Variants in FAM193A observed in about 807,000 individuals in gnomAD.
FAM193A encodes family with sequence similarity 193 member A.
FAM193A carries 22 observed loss-of-function variants against 126.5 expected under a neutral mutation model. That is an observed-to-expected ratio of 0.17 (90% CI 0.12 to 0.25). The LOEUF is 0.25. Among genes scored for constraint, FAM193A ranks in the 10% least tolerant of loss-of-function variants. FAM193A has a pLI of 1.00. For missense variants in FAM193A, 1,675 were observed against 1,672.8 expected (o/e 1.00, Z -0.02); for synonymous variants, 761 against 646.8 (o/e 1.18, Z -2.68).
At chr4:2,719,855 T>C (rs1719933106) in intron 20 of FAM193A, 1 of 140,892 alleles carries the variant, frequency 7.1e-6, no homozygotes. Context: ...CATGACACAA[T>C]CACTGTTCAC....
At chr4:2,588,172 C>T (rs767210436) in intron 1 of FAM193A, among the ~76,000 whole-genome samples, 7 of 151,936 alleles carry the variant, frequency 4.6e-5, no homozygotes, top group Non-Finnish European at 8.8e-5. Context: ...CACCCTGCTC[C>T]GCATTGACGG....
intron 6 of FAM193A, among the ~76,000 whole-genome samples, chr4:2,643,227 A>G (rs1196468187): frequency 6.6e-6 from 1 of 152,148 alleles, no homozygotes; most frequent in African/African-American, 2.4e-5. Flanking sequence ...AGACTAATTC[A>G]AGATAATTCA....
At chr4:2,550,785 T>C (rs1737873502) in intron 1 of FAM193A, among the ~76,000 whole-genome samples, 1 of 79,676 alleles carries the variant, frequency 1.3e-5, no homozygotes, top group African/African-American at 6.3e-5. Context: ...ATTTATTTAT[T>C]TATTTATTTA....
At chr4:2,650,949 A>C (rs1745604656) in intron 7 of FAM193A, among the ~76,000 whole-genome samples, 1 of 152,130 alleles carries the variant, frequency 6.6e-6, no homozygotes, top group Admixed American at 6.5e-5. Context: ...AGACGTGCAG[A>C]TGGAGAAGCT....
Position 2,700,460 on chromosome 4 carries a change from C to G in FAM193A, c.4288C>G (p.Leu1430Val), listed in dbSNP as rs780075865. 1 of 1,614,178 alleles carries G rather than the reference C, an allele frequency of 6.2e-7. No homozygotes were observed. The highest frequency in any genetic ancestry group is 1.3e-5 in the African/African-American group (1 of 75,062). ...CGGTGAGCATCAGCAGAACAGCAAG[C>G]TGGTGCTGGCAGAGTCCCCTCAGCC... ...SPGEHQQNSK[L>V]VLAESPQPKG... Residue 1430 changes from leucine (L) to valine (V), a missense_variant, in exon 19 of 21, where the codon CTG becomes GTG. Physicochemically the swap from Leu to Val is conservative, Grantham distance 32. Around this residue, in one of 4 missense-constraint regions of FAM193A, gnomAD observed 415 missense variants for 396.7 expected, o/e 1.05. Transcript: ENST00000637812.
intron 20 of FAM193A, among the ~76,000 whole-genome samples, chr4:2,726,283 A>G (rs911282116): frequency 5.9e-5 from 9 of 152,026 alleles, no homozygotes; most frequent in Non-Finnish European, 8.8e-5. Flanking sequence ...CAAGTGATCT[A>G]TCTGCCTCGG....
At chr4:2,574,400 G>C (rs1739465102) in intron 1 of FAM193A, among the ~76,000 whole-genome samples, 1 of 152,174 alleles carries the variant, frequency 6.6e-6, no homozygotes, top group Admixed American at 6.5e-5. Flanking sequence ...GTTCACTGCT[G>C]CTGCAGATGC....
intron 1 of FAM193A, among the ~76,000 whole-genome samples, chr4:2,548,303 T>C (rs557006588): frequency 1.3e-5 from 2 of 152,072 alleles, no homozygotes; most frequent in East Asian, 3.9e-4. Flanking sequence ...ACTCCTGACC[T>C]CAGATTATCC....
chr4:2,542,906 G>A (rs1578558038), intron 1 of FAM193A, among the ~76,000 whole-genome samples: 1 of 152,180 alleles, frequency 6.6e-6, no homozygotes, highest in Non-Finnish European at 1.5e-5. Flanking sequence ...AGCCAAAGAG[G>A]GTGTTTCTGC....
chr4:2,706,341 G>A (rs147212115), intron 19 of FAM193A, among the ~76,000 whole-genome samples: 3,520 of 127,126 alleles, frequency 0.028, 149 homozygotes, highest in African/African-American at 0.097. Context: ...TTGTTGCCCA[G>A]GCTGGAGTAC....
chr4:2,574,276 G>T (rs889165413), intron 1 of FAM193A, among the ~76,000 whole-genome samples: 2 of 152,088 alleles, frequency 1.3e-5, no homozygotes, highest in African/African-American at 4.8e-5. Flanking sequence ...GGAACATGGG[G>T]AGTGGAGCAC....
At chr4:2,632,638 G>C (rs1482095636) in intron 5 of FAM193A, among the ~76,000 whole-genome samples, 1 of 149,380 alleles carries the variant, frequency 6.7e-6, no homozygotes, top group African/African-American at 2.5e-5. Flanking sequence ...AAGCCATGGG[G>C]AGGTATCTAT....
At position 2,662,828 on chromosome 4, in the gene FAM193A, C is replaced by T. The variant is rs1012714664; in HGVS notation, c.1746-10C>T. The T allele has an allele frequency of 3.1e-6, 5 of 1,602,002 alleles. No individual in the cohort carries two copies. Among genetic ancestry groups the T allele is most frequent in the Non-Finnish European group, 4.3e-6 (5 of 1,170,016 alleles). On this transcript the variant is annotated splice_polypyrimidine_tract_variant and intron_variant, in intron 10 of 20. Transcript: ENST00000637812. ...AATGACCTCACAGTGACCATCTCTGCTTGTGTCAGTTGTAGTGATGATGAA... is the reference window on the plus strand; with the variant it reads ...AATGACCTCACAGTGACCATCTCTGTTTGTGTCAGTTGTAGTGATGATGAA...
chr4:2,684,170 G>T (rs1715464194), intron 13 of FAM193A, among the ~76,000 whole-genome samples: 1 of 152,074 alleles, frequency 6.6e-6, no homozygotes, highest in African/African-American at 2.4e-5. Flanking sequence ...GTCTCTCTCA[G>T]CCTCTGGTGA....
chr4:2,615,015 C>G (rs2108951573), intron 2 of FAM193A: 1 of 152,208 alleles, frequency 6.6e-6, no homozygotes, highest in South Asian at 2.1e-4. Context: ...TTTAACTGAT[C>G]TTTTCAAAGA....
chr4:2,613,181 T>A (rs1174784451), intron 2 of FAM193A, among the ~76,000 whole-genome samples: 1 of 152,196 alleles, frequency 6.6e-6, no homozygotes, highest in Non-Finnish European at 1.5e-5. Context: ...CTCATACCTG[T>A]AATCCAGCAC....
intron 1 of FAM193A, among the ~76,000 whole-genome samples, chr4:2,593,179 C>T (rs931852345): frequency 6.6e-6 from 1 of 152,230 alleles, no homozygotes; most frequent in African/African-American, 2.4e-5. Flanking sequence ...CACCTCACAG[C>T]TGGCTCCTTC....
intron 2 of FAM193A, among the ~76,000 whole-genome samples, chr4:2,611,653 T>C (rs753698850): frequency 1.3e-5 from 2 of 152,198 alleles, no homozygotes; most frequent in African/African-American, 4.8e-5. Flanking sequence ...GAAAAGTGGC[T>C]GTTCAGATCT....
At chr4:2,702,537 C>T (rs1717849033) in intron 19 of FAM193A, among the ~76,000 whole-genome samples, 2 of 152,140 alleles carry the variant, frequency 1.3e-5, no homozygotes, top group South Asian at 4.1e-4. Flanking sequence ...GGGGTGTGAG[C>T]ATGTGCACAC....
Sources: allele counts gnomAD v4.1 joint callset (sites outside exome capture counted in the v4.1 genomes callset), GRCh38; gene constraint gnomAD v4.1.1; regional missense constraint gnomAD v4.1.1; transcripts MANE v1.5; gene names NCBI Gene and HGNC (gene_info 2026-07-23, HGNC 2026-07-21).